The following CSMD2 variants were observed in gnomAD, a reference collection of about 807,000 sequenced individuals.
The protein encoded by CSMD2 is CUB and Sushi multiple domains 2, also known as CUB and sushi domain-containing protein 2.
A neutral mutation model predicts 398.5 loss-of-function variants in CSMD2; 130 were observed. That is an observed-to-expected ratio of 0.33 (90% confidence interval 0.28 to 0.38). CSMD2 has a LOEUF of 0.38. CSMD2 is among the 10% of genes least tolerant of loss of function. The pLI is 1.00. For missense variants in CSMD2, 3,829 were observed against 4,764.9 expected (o/e 0.80, Z 5.78); for synonymous variants, 1,828 against 1,908.5 (o/e 0.96, Z 1.10).
chr1:33,854,355 C>T lies in CSMD2; in HGVS notation c.921-7359G>A, dbSNP rs76653058. On this transcript the variant is annotated intron_variant, in intron 5 of 70. Coordinates refer to ENST00000373381, the MANE Select transcript of CSMD2 (RefSeq NM_001281956.2). ...CTCAGTGGAAGAAGGGATGATTGGC[C>T]GAATGAATGAATGAATGAGAGCCTG... Among the ~76,000 whole-genome samples, 764 of 152,206 alleles carry T rather than the reference C, an allele frequency of 5.0e-3. 9 individuals carry two copies. Among genetic ancestry groups the T allele is most frequent in the African/African-American group, 0.017 (703 of 41,526 alleles).
At chr1:33,522,454 C>A (rs1485607961) in intron 67 of CSMD2, among the ~76,000 whole-genome samples, 2 of 152,288 alleles carry the variant, frequency 1.3e-5, no homozygotes, top group East Asian at 3.9e-4. Flanking sequence ...GAAGCTGGCC[C>A]ATACTTGGAT....
chr1:33,994,067 A>C (rs560062324), intron 3 of CSMD2, among the ~76,000 whole-genome samples: 7 of 152,304 alleles, frequency 4.6e-5, no homozygotes, highest in Admixed American at 4.6e-4. Context: ...AGGATGTGTG[A>C]ATTAGTGAAG....
chr1:33,709,924 A>T (rs1645929245), intron 21 of CSMD2, among the ~76,000 whole-genome samples: 1 of 152,072 alleles, frequency 6.6e-6, no homozygotes, highest in Non-Finnish European at 1.5e-5. Context: ...GGTCCTGGGG[A>T]AAGTTTTTAG....
At chr1:33,981,213 C>A (rs1431338048) in intron 3 of CSMD2, among the ~76,000 whole-genome samples, 1 of 152,172 alleles carries the variant, frequency 6.6e-6, no homozygotes, top group Admixed American at 6.5e-5. Flanking sequence ...CGGTTGTTTG[C>A]AGTTCAACAT....
chr1:34,154,458 T>C lies in CSMD2; in HGVS notation c.187+10453A>G, dbSNP rs368030310. Among the ~76,000 whole-genome samples, 262 of 152,266 alleles carry C rather than the reference T, an allele frequency of 1.7e-3. 3 individuals carry two copies. The highest frequency in any genetic ancestry group is 6.1e-3 in the African/African-American group (252 of 41,538). ...CAAGGATGTTCTTCAGAACTTTTAG[T>C]GGTGGAGTAAGGGGGAGTTGCTGAT... On this transcript the variant is annotated intron_variant, in intron 1 of 70. Transcript: ENST00000373381.
chr1:34,125,774 G>A lies in CSMD2; in HGVS notation c.188-36581C>T, dbSNP rs139074310. ...TGGAGGTGCTCCACAGATCCACACA[G>A]AGGTGGACTCTCCCCCAGCCCCACT... On this transcript the variant is annotated intron_variant, in intron 1 of 70. Coordinates refer to ENST00000373381, the MANE Select transcript of CSMD2 (RefSeq NM_001281956.2). Among the ~76,000 whole-genome samples the A allele has an allele frequency of 6.4e-3, 970 of 152,242 alleles. 9 individuals carry two copies. The highest frequency in any genetic ancestry group is 0.022 in the African/African-American group (903 of 41,524).
intron 1 of CSMD2, among the ~76,000 whole-genome samples, chr1:34,103,360 G>A (rs888497624): frequency 7.0e-6 from 1 of 142,150 alleles, no homozygotes; most frequent in Admixed American, 7.4e-5. Context: ...GTGCAGTGGT[G>A]CGATCTCGGC....
chr1:33,584,519 A>G (rs370732813), intron 46 of CSMD2, among the ~76,000 whole-genome samples: 1 of 152,094 alleles, frequency 6.6e-6, no homozygotes, highest in South Asian at 2.1e-4. Context: ...AAAATACAAA[A>G]ATTAGCTGGG....
In CSMD2 at chr1:33,759,103, T is replaced by A. The variant is rs142991163; in HGVS notation, c.1846+13466A>T. 9.5e-4 allele frequency among the ~76,000 whole-genome samples: 144 copies of A among 152,276 alleles called. 2 individuals carry two copies. The East Asian group carries it at 0.017, about 18-fold the overall frequency. On this transcript the variant is annotated intron_variant, in intron 13 of 70. Coordinates refer to ENST00000373381, the MANE Select transcript of CSMD2 (RefSeq NM_001281956.2). ...TGAAGGAAATAAAAAGTGACATCGCTCTTCTGGATAAGGTGGTTAGAGATG... is the reference window on the plus strand; with the variant it reads ...TGAAGGAAATAAAAAGTGACATCGCACTTCTGGATAAGGTGGTTAGAGATG...
At chr1:33,955,788 T>A (rs2125381965) in intron 3 of CSMD2, among the ~76,000 whole-genome samples, 1 of 137,500 alleles carries the variant, frequency 7.3e-6, no homozygotes, top group Non-Finnish European at 1.6e-5. Flanking sequence ...GCTTTGTATA[T>A]GCTGACACTA....
Position 34,161,256 on chromosome 1 carries a change from C to G in CSMD2, c.187+3655G>C, listed in dbSNP as rs76598570. Among the ~76,000 whole-genome samples the G allele has an allele frequency of 7.0e-3, 1,061 of 152,296 alleles. 12 individuals carry two copies. The highest frequency in any genetic ancestry group is 0.024 in the African/African-American group (1,010 of 41,546). ...CTAAGTGAAGATGTCCAAGGATCAGCTGGATACATGGGTTACCTAGACCCA... is the reference window on the plus strand; with the variant it reads ...CTAAGTGAAGATGTCCAAGGATCAGGTGGATACATGGGTTACCTAGACCCA... On this transcript the variant is annotated intron_variant, in intron 1 of 70. Coordinates refer to ENST00000373381, the MANE Select transcript of CSMD2 (RefSeq NM_001281956.2).
intron 24 of CSMD2, among the ~76,000 whole-genome samples, chr1:33,696,596 A>G (rs927735185): frequency 6.6e-6 from 1 of 152,136 alleles, no homozygotes; most frequent in Non-Finnish European, 1.5e-5. Flanking sequence ...GTGGGAGGGC[A>G]TTATCCATGT....
chr1:33,892,862 G>A (rs2125212986), intron 5 of CSMD2, among the ~76,000 whole-genome samples: 1 of 152,254 alleles, frequency 6.6e-6, no homozygotes, highest in South Asian at 2.1e-4. Flanking sequence ...AGTCTGGTTG[G>A]GTGACTTTGA....
intron 6 of CSMD2, among the ~76,000 whole-genome samples, chr1:33,832,935 C>T (rs1167765900): frequency 6.6e-6 from 1 of 152,136 alleles, no homozygotes; most frequent in Non-Finnish European, 1.5e-5. Context: ...CATACACCCT[C>T]CCAAGACTAA....
chr1:33,998,098 G>T (rs1033702880), intron 3 of CSMD2, among the ~76,000 whole-genome samples: 1 of 152,156 alleles, frequency 6.6e-6, no homozygotes, highest in Non-Finnish European at 1.5e-5. Context: ...CCTCATGAAT[G>T]GATTAATCCA....
chr1:33,621,436 C>T (rs753954903), intron 37 of CSMD2, among the ~76,000 whole-genome samples: 2 of 152,194 alleles, frequency 1.3e-5, no homozygotes, highest in Non-Finnish European at 2.9e-5. Flanking sequence ...GTCTACCTCT[C>T]TTTAGTGGAC....
intron 5 of CSMD2, among the ~76,000 whole-genome samples, chr1:33,890,098 C>T (rs973209867): frequency 6.6e-6 from 1 of 151,784 alleles, no homozygotes; most frequent in African/African-American, 2.4e-5. Flanking sequence ...TTTCTTTATT[C>T]AGTTTTTCTC....
At chr1:33,639,559 G>T (rs761006889) in intron 29 of CSMD2, among the ~76,000 whole-genome samples, 6 of 152,164 alleles carry the variant, frequency 3.9e-5, no homozygotes, top group Admixed American at 2.0e-4. Context: ...GGAGGAGAAG[G>T]TTCATCACCT....
At chr1:34,050,298 C>A (rs937117659) in intron 2 of CSMD2, among the ~76,000 whole-genome samples, 1 of 152,194 alleles carries the variant, frequency 6.6e-6, no homozygotes, top group African/African-American at 2.4e-5. Context: ...CTGAAACAGA[C>A]ACTTATTTTG....
Sources: allele counts gnomAD v4.1 joint callset (sites outside exome capture counted in the v4.1 genomes callset), GRCh38; gene constraint gnomAD v4.1.1; transcripts MANE v1.5; gene names NCBI Gene and HGNC (gene_info 2026-07-23, HGNC 2026-07-21).